The following SEC61A2 variants were observed in gnomAD, a reference collection of about 807,000 sequenced individuals.
SEC61A2 encodes protein transport protein Sec61 subunit alpha isoform 2.
Under a neutral mutation model 59.9 loss-of-function variants are expected in SEC61A2, and 28 were observed. The ratio of observed to expected loss-of-function variants is 0.47; its 90% confidence interval spans 0.35 to 0.64. The LOEUF is 0.64. Ranked by LOEUF, SEC61A2 falls within the 30% of genes least tolerant of loss-of-function variation. SEC61A2 has a pLI of 0.01. For missense variants in SEC61A2, 340 were observed against 585.9 expected (o/e 0.58, Z 4.33); for synonymous variants, 202 against 214.4 (o/e 0.94, Z 0.50).
rs1354607797 is a variant in SEC61A2 at position 12,160,509 on chromosome 10, T to C, written c.976-421T>C. Among the ~76,000 whole-genome samples the C allele has an allele frequency of 1.3e-5, 2 of 152,226 alleles. No individual in the cohort carries two copies. The highest frequency in any genetic ancestry group is 6.5e-5 in the Admixed American group (1 of 15,280). ...GTCTAGGCAGCAAGTTAAAGTCTTA[T>C]GTCAGTATTTTAGTTGATTGCATTA... On this transcript the variant is annotated intron_variant, in intron 9 of 11. Transcript: ENST00000298428. The surrounding 1 kb of genome is among the most constrained non-coding windows in gnomAD (Gnocchi z 4.1).
rs925455535 is a variant in SEC61A2, at chr10:12,149,833, T to TC, written c.353-13dup. ...CTTTGGTGGTAAGCGTGCTCTCCTTTCCCCCCAACTTTCATCAGTGTTTGG... is the reference window on the plus strand; with the variant it reads ...CTTTGGTGGTAAGCGTGCTCTCCTTTCCCCCCCAACTTTCATCAGTGTTTGG... On this transcript the variant is annotated intron_variant, in intron 5 of 11. Coordinates refer to ENST00000298428, the MANE Select transcript of SEC61A2 (RefSeq NM_018144.4). The surrounding 1 kb of genome is among the most constrained non-coding windows in gnomAD (Gnocchi z 5.2). The TC allele has an allele frequency of 6.2e-7, 1 of 1,611,514 alleles. No homozygotes were observed. The highest frequency in any genetic ancestry group is 1.7e-5 in the Admixed American group (1 of 59,846).
chr10:12,155,684 A>T lies in SEC61A2; in HGVS notation c.463-94A>T. The stretch of plus-strand genomic sequence containing the variant: ...TGCAACGATCAGGCCTTAATATTCA[A>T]AACGCCCCTAGCTTGGAAATAGCCA... On this transcript the variant is annotated intron_variant, in intron 6 of 11. Coordinates refer to ENST00000298428, the MANE Select transcript of SEC61A2 (RefSeq NM_018144.4). The surrounding 1 kb of genome is among the most constrained non-coding windows in gnomAD (Gnocchi z 4.3). 2.1e-6 allele frequency: 3 copies of T among 1,448,808 alleles called. No individual in the cohort carries two copies. The highest frequency in any genetic ancestry group is 2.9e-6 in the Non-Finnish European group (3 of 1,044,802). 89.7% of individuals were successfully genotyped at this position (1,448,808 alleles called of 1,614,324 possible).
In SEC61A2 at chr10:12,143,260, G is replaced by A. The variant is rs1834062725; in HGVS notation, c.220+65G>A. 3.3e-6 allele frequency: 4 copies of A among 1,199,464 alleles called. No homozygotes were observed. Among genetic ancestry groups the A allele is most frequent in the Non-Finnish European group, 5.0e-6 (4 of 803,170 alleles). The allele number at this position is 1,199,464 out of a possible 1,614,324, so 74.3% of individuals were successfully genotyped here. A position where few individuals can be genotyped will look rare whatever the true frequency, so the allele number is the denominator to read the frequency against. Reference sequence around the variant, plus strand: ...CAAACAGATGGAAACATGTGGATTAGCAATGAGTTTTCAATGTCTACAGGG... The same window carrying A: ...CAAACAGATGGAAACATGTGGATTAACAATGAGTTTTCAATGTCTACAGGG... On this transcript the variant is annotated intron_variant, in intron 4 of 11. Transcript: ENST00000298428. The surrounding 1 kb of genome is among the most constrained non-coding windows in gnomAD (Gnocchi z 4.8).
At position 12,142,679 on chromosome 10, in the gene SEC61A2, T is replaced by C; in HGVS notation, c.142-438T>C. 1 of 196,312 alleles carries C rather than the reference T, an allele frequency of 5.1e-6. No individual in the cohort carries two copies. Among genetic ancestry groups the C allele is most frequent in the Non-Finnish European group, 9.3e-6 (1 of 107,776 alleles). The allele number at this position is 196,312 out of a possible 1,614,324, so 12.2% of individuals were successfully genotyped here. ...TGCAGTTTAGTAACATTAGGAATGT[T>C]CACATTGTTGTACCACCACACTCCA... On this transcript the variant is annotated intron_variant, in intron 3 of 11. Coordinates refer to ENST00000298428, the MANE Select transcript of SEC61A2 (RefSeq NM_018144.4). This position sits in a 1 kb window ranked among gnomAD's most constrained non-coding sequence, Gnocchi z 5.4.
chr10:12,163,769 C>T (rs1251717504), intron 11 of SEC61A2, among the ~76,000 whole-genome samples: 1 of 152,094 alleles, frequency 6.6e-6, no homozygotes, highest in African/African-American at 2.4e-5. Flanking sequence ...CAGTTGTCAC[C>T]ATCTTGCTGT....
Position 12,153,920 on chromosome 10 carries a change from C to A in SEC61A2, c.463-1858C>A. Reference sequence around the variant, plus strand: ...TTCAGCTAGTGAGTTTAGAAATCTACATAGCAGGTCTTGACTAAAAATTTT... The same window carrying A: ...TTCAGCTAGTGAGTTTAGAAATCTAAATAGCAGGTCTTGACTAAAAATTTT... On this transcript the variant is annotated intron_variant, in intron 6 of 11. Coordinates refer to ENST00000298428, the MANE Select transcript of SEC61A2 (RefSeq NM_018144.4). The surrounding 1 kb of genome is among the most constrained non-coding windows in gnomAD (Gnocchi z 5.2). 9.6e-7 allele frequency: 1 copy of A among 1,041,420 alleles called. No individual in the cohort carries two copies. 64.5% of individuals were successfully genotyped at this position (1,041,420 alleles called of 1,614,324 possible).
chr10:12,163,846 A>G (rs542186259), intron 11 of SEC61A2, among the ~76,000 whole-genome samples: 2 of 152,096 alleles, frequency 1.3e-5, no homozygotes, highest in East Asian at 3.9e-4. Context: ...TCAGTTTTCC[A>G]GGTGATTCTA....
In SEC61A2 at chr10:12,133,244, A is replaced by G. The variant is rs144170448; in HGVS notation, c.11A>G (p.Lys4Arg). The change falls in exon 2 of 12, where the codon AAA becomes AGA. Residue 4 changes from lysine to arginine, a missense_variant. Physicochemically the swap from Lys to Arg is conservative, Grantham distance 26 (BLOSUM62 2). Coordinates refer to ENST00000298428, the MANE Select transcript of SEC61A2 (RefSeq NM_018144.4). MGI[K>R]FLEVIKPFCA... is the part of the protein sequence containing the mutation. ...TTTATTATTTTTCTTTTTACAGTCA[A>G]ATTTTTAGAAGTTATCAAACCATTC... The G allele has an allele frequency of 5.4e-6, 8 of 1,485,524 alleles. No homozygotes were observed. The highest frequency in any genetic ancestry group is 7.4e-6 in the Non-Finnish European group (8 of 1,074,376). 92.0% of individuals were successfully genotyped at this position (1,485,524 alleles called of 1,614,324 possible). A position where few individuals can be genotyped will look rare whatever the true frequency, so the allele number is the denominator to read the frequency against.
chr10:12,143,247 A>C lies in SEC61A2; in HGVS notation c.220+52A>C, dbSNP rs1430040770. 7.8e-7 allele frequency: 1 copy of C among 1,290,100 alleles called. No homozygotes were observed. Among genetic ancestry groups the C allele is most frequent in the Non-Finnish European group, 1.1e-6 (1 of 884,996 alleles). The allele number at this position is 1,290,100 out of a possible 1,614,324, so 79.9% of individuals were successfully genotyped here. On this transcript the variant is annotated intron_variant, in intron 4 of 11. Transcript: ENST00000298428. The surrounding 1 kb of genome is among the most constrained non-coding windows in gnomAD (Gnocchi z 4.8). ...CTCCTACTCACAGCAAACAGATGGA[A>C]ACATGTGGATTAGCAATGAGTTTTC...
chr10:12,146,889 G>T (rs527746376), intron 4 of SEC61A2, among the ~76,000 whole-genome samples: 1 of 150,916 alleles, frequency 6.6e-6, no homozygotes, highest in Non-Finnish European at 1.5e-5. Flanking sequence ...TGTCATTTGT[G>T]TTTAATTTTT....
chr10:12,133,275 A>C lies in SEC61A2; in HGVS notation c.42A>C (p.Ala14=), dbSNP rs1364919985. Residue 14 remains alanine (A), a synonymous_variant, in exon 2 of 12, where the codon GCA becomes GCC. Coordinates refer to ENST00000298428, the MANE Select transcript of SEC61A2 (RefSeq NM_018144.4). ...TAGAAGTTATCAAACCATTCTGTGC[A>C]GTTCTACCAGAAATTCAGAAACCGG... is the stretch of plus-strand genomic sequence containing the variant. ...KFLEVIKPFC[A]VLPEIQKPER... The C allele has an allele frequency of 6.4e-7, 1 of 1,561,574 alleles. No individual in the cohort carries two copies. Among genetic ancestry groups the C allele is most frequent in the East Asian group, 2.2e-5 (1 of 44,494 alleles).
In SEC61A2 at chr10:12,155,726, C is replaced by G. The variant is rs767762694; in HGVS notation, c.463-52C>G. 11 of 1,606,894 alleles carry G rather than the reference C, an allele frequency of 6.8e-6. No individual in the cohort carries two copies. Among genetic ancestry groups the G allele is most frequent in the Middle Eastern group, 3.3e-4 (2 of 6,074 alleles). ...AAATAGCCAATGGTGTTCCTCTCCCCCTTTCTTGAGTTTGTTCTTGCTTCC... is the reference window on the plus strand; with the variant it reads ...AAATAGCCAATGGTGTTCCTCTCCCGCTTTCTTGAGTTTGTTCTTGCTTCC... On this transcript the variant is annotated intron_variant, in intron 6 of 11. Transcript: ENST00000298428. This position sits in a 1 kb window ranked among gnomAD's most constrained non-coding sequence, Gnocchi z 4.3.
rs1190044638 is a variant in SEC61A2, at chr10:12,154,905, G to T, written c.463-873G>T. Reference sequence around the variant, plus strand: ...TCTGCCGGAGGGTGTCTTTAAAGTGGGGACATGTGTGAGGTTGGGGGCATG... The same window carrying T: ...TCTGCCGGAGGGTGTCTTTAAAGTGTGGACATGTGTGAGGTTGGGGGCATG... On this transcript the variant is annotated intron_variant, in intron 6 of 11. Transcript: ENST00000298428. This position sits in a 1 kb window ranked among gnomAD's most constrained non-coding sequence, Gnocchi z 5.2. Among the ~76,000 whole-genome samples, 1 of 152,158 alleles carries T rather than the reference G, an allele frequency of 6.6e-6. No homozygotes were observed. The highest frequency in any genetic ancestry group is 1.5e-5 in the Non-Finnish European group (1 of 68,036).
At chr10:12,146,955 G>A (rs1417006881) in intron 4 of SEC61A2, among the ~76,000 whole-genome samples, 1 of 152,144 alleles carries the variant, frequency 6.6e-6, no homozygotes, top group Non-Finnish European at 1.5e-5. Context: ...GTGCAGTGGT[G>A]CAAACAGCTC....
intron 2 of SEC61A2, among the ~76,000 whole-genome samples, chr10:12,135,587 A>T (rs1412542648): frequency 6.6e-6 from 1 of 152,154 alleles, no homozygotes; most frequent in African/African-American, 2.4e-5. Flanking sequence ...CCCATTAAGT[A>T]ATTTCTCATC....
At chr10:12,157,145 CTGT>C (rs1199153454) in intron 8 of SEC61A2, 78 bp downstream of exon 8, 4 of 1,382,792 alleles carry the variant, frequency 2.9e-6, no homozygotes. Flanking sequence ...ATCTGACATG[CTGT>C]TGTTTAACAA....
At chr10:12,168,467 T>G (rs529671944), downstream of SEC61A2, among the ~76,000 whole-genome samples, 4 of 152,346 alleles carry the variant, frequency 2.6e-5, no homozygotes, top group South Asian at 8.3e-4. This position sits in a 1 kb window ranked among gnomAD's most constrained non-coding sequence, Gnocchi z 4.8. Flanking sequence ...CCATCTTTTC[T>G]GCTGCTAGGG....
At chr10:12,167,787 G>A (rs1429758433), downstream of SEC61A2, 2 of 1,614,132 alleles carry the variant, frequency 1.2e-6, no homozygotes, top group Non-Finnish European at 1.7e-6. Context: ...GGCGTCCACT[G>A]TGAGATGTTC....
rs1221872488 is a variant in SEC61A2, at chr10:12,142,108, C to T, written c.142-1009C>T. 1.3e-5 allele frequency among the ~76,000 whole-genome samples: 2 copies of T among 152,196 alleles called. No homozygotes were observed. Among genetic ancestry groups the T allele is most frequent in the Non-Finnish European group, 1.5e-5 (1 of 68,038 alleles). ...GAACATGCAAGAATGCTGTGTGTCACAGCCTGTTATTTGTGTAATAGCATC... is the reference window on the plus strand; with the variant it reads ...GAACATGCAAGAATGCTGTGTGTCATAGCCTGTTATTTGTGTAATAGCATC... On this transcript the variant is annotated intron_variant, in intron 3 of 11. Transcript: ENST00000298428. The surrounding 1 kb of genome is among the most constrained non-coding windows in gnomAD (Gnocchi z 5.4).
Sources: gnomAD v4.1 joint callset for allele counts (sites outside exome capture counted in the v4.1 genomes callset) on GRCh38, gnomAD v4.1.1 for gene constraint, Gnocchi (gnomAD v3.1) non-coding constraint, MANE v1.5 for transcripts, NCBI Gene and HGNC (gene_info 2026-07-23, HGNC 2026-07-21) for gene names.